BABAM2: variants seen among roughly 807,000 people sequenced by gnomAD.
BABAM2 encodes the protein BRISC and BRCA1-A complex member 2.
Under a neutral mutation model 54.7 loss-of-function variants are expected in BABAM2, and 31 were observed. The observed-to-expected ratio is 0.57, with a 90% CI of 0.43 to 0.77. The LOEUF is 0.77. Ranked by LOEUF, BABAM2 falls within the 30% of genes least tolerant of loss-of-function variation. BABAM2 has a pLI of 0.00. For synonymous variants in BABAM2, 167 were observed against 162.9 expected (o/e 1.03, Z -0.19); for missense variants, 364 against 455.8 (o/e 0.80, Z 1.83).
rs1676885604 is a variant in BABAM2, at chr2:28,039,194, C to T, written c.496-6531C>T. ...ATACATACTCGTGAATGGATGAATACACCTTGAGTCTTGAGGTTGAGCTCT... is the reference window on the plus strand; with the variant it reads ...ATACATACTCGTGAATGGATGAATATACCTTGAGTCTTGAGGTTGAGCTCT... On this transcript the variant is annotated intron_variant, in intron 5 of 11. Transcript: ENST00000379624. Among the ~76,000 whole-genome samples the T allele has an allele frequency of 6.6e-5, 10 of 152,234 alleles. No homozygotes were observed. The South Asian group carries it at 2.1e-3, about 32-fold the overall frequency.
intron 3 of BABAM2, among the ~76,000 whole-genome samples, chr2:27,960,700 AAG>A (rs1558619990): frequency 6.6e-6 from 1 of 152,160 alleles, no homozygotes; most frequent in African/African-American, 2.4e-5. Flanking sequence ...CTTTACATAT[AAG>A]ACAGGACCAC....
intron 10 of BABAM2, among the ~76,000 whole-genome samples, chr2:28,250,582 T>TTA (rs1683363432): frequency 8.3e-5 from 1 of 12,102 alleles, no homozygotes; most frequent in Non-Finnish European, 5.3e-4. Context: ...ATATATTTTT[T>TTA]TCTTTTTTTT....
intron 10 of BABAM2, among the ~76,000 whole-genome samples, chr2:28,277,879 A>T (rs1256212606): frequency 6.6e-6 from 1 of 152,252 alleles, no homozygotes; most frequent in Non-Finnish European, 1.5e-5. Flanking sequence ...GGAGACAGGC[A>T]TGCAAACACT....
intron 6 of BABAM2, among the ~76,000 whole-genome samples, chr2:28,077,867 A>C (rs2048045): frequency 0.014 from 2,148 of 152,280 alleles, 47 homozygotes; most frequent in African/African-American, 0.048. Flanking sequence ...TATATCAAGA[A>C]AATTAAATAC....
At chr2:28,201,965 A>G (rs184108876) in intron 7 of BABAM2, among the ~76,000 whole-genome samples, 6 of 152,264 alleles carry the variant, frequency 3.9e-5, no homozygotes, top group Admixed American at 2.0e-4. Context: ...GGGAAATCAT[A>G]TGGGATGAGC....
intron 7 of BABAM2, among the ~76,000 whole-genome samples, chr2:28,184,040 A>T (rs542454596): frequency 6.6e-6 from 1 of 152,314 alleles, no homozygotes; most frequent in African/African-American, 2.4e-5. Flanking sequence ...GCATTTGGGC[A>T]TAGGAGATAA....
intron 7 of BABAM2, among the ~76,000 whole-genome samples, chr2:28,224,611 G>A (rs1665747721): frequency 1.3e-5 from 2 of 152,124 alleles, no homozygotes; most frequent in Admixed American, 6.6e-5. Context: ...TGCTGACAAT[G>A]CAAGCTCTCA....
chr2:28,057,248 G>A (rs562840877), intron 6 of BABAM2, among the ~76,000 whole-genome samples: 19 of 152,212 alleles, frequency 1.2e-4, no homozygotes, highest in East Asian at 1.9e-4. Context: ...ACATTAATTC[G>A]TACTTCTTGA....
At chr2:28,251,918 C>T (rs1216948494) in intron 10 of BABAM2, among the ~76,000 whole-genome samples, 1 of 152,064 alleles carries the variant, frequency 6.6e-6, no homozygotes, top group African/African-American at 2.4e-5. Context: ...AGGCTAGGTG[C>T]AGTGGCTCAT....
chr2:28,101,922 A>G (rs985619672), intron 6 of BABAM2, among the ~76,000 whole-genome samples: 1 of 152,200 alleles, frequency 6.6e-6, no homozygotes, highest in Non-Finnish European at 1.5e-5. Context: ...GGGTTCAGGA[A>G]TGTGTGTTTT....
intron 10 of BABAM2, among the ~76,000 whole-genome samples, chr2:28,250,396 A>G (rs1293150661): frequency 2.0e-5 from 3 of 146,540 alleles, no homozygotes; most frequent in Non-Finnish European, 4.5e-5. Context: ...TACAATATGC[A>G]TCTTTAACAT....
At chr2:28,237,699 G>A (rs1169614742) in intron 8 of BABAM2, among the ~76,000 whole-genome samples, 1 of 151,498 alleles carries the variant, frequency 6.6e-6, no homozygotes, top group Admixed American at 6.6e-5. Flanking sequence ...GGCAGTAGTT[G>A]GTATCCGCGT....
At position 28,338,611 on chromosome 2, in the gene BABAM2, GGCAGCGTTTTGCTCACACA is replaced by G; in HGVS notation, c.*104_*122del. 6.9e-7 allele frequency: 1 copy of G among 1,444,464 alleles called. No homozygotes were observed. The allele number at this position is 1,444,464 out of a possible 1,614,324, so 89.5% of individuals were successfully genotyped here. A position where few individuals can be genotyped will look rare whatever the true frequency, so the allele number is the denominator to read the frequency against. ...TGGAAGCCGCCTGGAATGTCTTCACGGCAGCGTTTTGCTCACACAGCAGCTTTTGCACGCCCCAGGCAGC... is the reference window on the plus strand; with the variant it reads ...TGGAAGCCGCCTGGAATGTCTTCACGGCAGCTTTTGCACGCCCCAGGCAGC... On this transcript the variant is annotated 3_prime_UTR_variant, in exon 12 of 12. Transcript: ENST00000379624.
intron 6 of BABAM2, among the ~76,000 whole-genome samples, chr2:28,056,695 G>A (rs181644142): frequency 2.5e-4 from 38 of 152,240 alleles, no homozygotes; most frequent in African/African-American, 9.1e-4. Context: ...TACAAAAGCA[G>A]CTATGGCTTA....
At chr2:28,135,229 T>C (rs1294208959) in intron 7 of BABAM2, among the ~76,000 whole-genome samples, 2 of 152,232 alleles carry the variant, frequency 1.3e-5, no homozygotes, top group African/African-American at 4.8e-5. Context: ...AGATTAAATA[T>C]GCAATACTGT....
intron 2 of BABAM2, among the ~76,000 whole-genome samples, chr2:27,928,915 TAA>T (rs1008932898): frequency 7.1e-6 from 1 of 141,218 alleles, no homozygotes; most frequent in Non-Finnish European, 1.6e-5. Flanking sequence ...AATAATAGAT[TAA>T]AAAAAAAAAA....
intron 3 of BABAM2, among the ~76,000 whole-genome samples, chr2:27,972,862 G>A (rs567769062): frequency 2.3e-4 from 34 of 150,976 alleles, no homozygotes; most frequent in African/African-American, 7.8e-4. Flanking sequence ...CACCTCCCAG[G>A]TTCAAGTGAT....
chr2:28,001,546 A>G (rs1243072245), intron 4 of BABAM2, among the ~76,000 whole-genome samples: 1 of 152,210 alleles, frequency 6.6e-6, no homozygotes, highest in East Asian at 1.9e-4. Context: ...TAGAAAAGAA[A>G]GTGTGTTCTT....
intron 3 of BABAM2, among the ~76,000 whole-genome samples, chr2:27,945,088 A>G (rs1427065454): frequency 6.6e-6 from 1 of 151,926 alleles, no homozygotes; most frequent in African/African-American, 2.4e-5. Flanking sequence ...TAGCAATCAT[A>G]GCTCACTGCA....
Sources: gnomAD v4.1 joint callset for allele counts (sites outside exome capture counted in the v4.1 genomes callset) on GRCh38, gnomAD v4.1.1 for gene constraint, MANE v1.5 for transcripts, NCBI Gene and HGNC (gene_info 2026-07-23, HGNC 2026-07-21) for gene names.